Variants in KIRREL3 observed in about 807,000 individuals in gnomAD.
The protein encoded by KIRREL3 is kirre like nephrin family adhesion molecule 3.
In KIRREL3, 36 loss-of-function variants were observed where a neutral mutation model predicts 89.7. The observed-to-expected ratio is 0.40, with a 90% CI of 0.31 to 0.53. The LOEUF is 0.53. KIRREL3 is among the 20% of genes least tolerant of loss of function. The pLI is 0.49. For missense variants in KIRREL3, 864 were observed against 1,056.6 expected, an observed-to-expected ratio of 0.82 and a Z score of 2.53; for synonymous variants, 445 against 441.4, an observed-to-expected ratio of 1.01 and a Z score of -0.10.
chr11:126,846,754 C>T (rs1488539840), intron 1 of KIRREL3, among the ~76,000 whole-genome samples: 1 of 152,068 alleles, frequency 6.6e-6, no homozygotes, highest in Non-Finnish European at 1.5e-5. Flanking sequence ...TTATAAGAAG[C>T]TGTGAGAATA....
chr11:126,633,343 G>C (rs1305693075), intron 1 of KIRREL3, among the ~76,000 whole-genome samples: 3 of 152,050 alleles, frequency 2.0e-5, no homozygotes, highest in Admixed American at 6.6e-5. Flanking sequence ...CTCATTTTTA[G>C]AAGAAATAAA....
intron 6 of KIRREL3, among the ~76,000 whole-genome samples, chr11:126,457,302 T>G (rs2134237053): frequency 6.6e-6 from 1 of 151,816 alleles, no homozygotes; most frequent in African/African-American, 2.4e-5. Flanking sequence ...TGTATGCGTG[T>G]GTATGTCTCT....
chr11:126,746,154 A>C (rs539149161), intron 1 of KIRREL3, among the ~76,000 whole-genome samples: 1 of 152,120 alleles, frequency 6.6e-6, no homozygotes, highest in East Asian at 1.9e-4. Flanking sequence ...AATTTTGTCT[A>C]CATTCCTTAT....
chr11:126,896,980 TAAG>T lies in KIRREL3; in HGVS notation c.55+103472_55+103474del, dbSNP rs1187985389. ...AAGACTTTGCAGAATCAAAAGATTCTAAGAAGAGGCCAGGGAAAGAGCAGACCA... is the reference window on the plus strand; with the variant it reads ...AAGACTTTGCAGAATCAAAAGATTCTAAGAGGCCAGGGAAAGAGCAGACCA... On this transcript the variant is annotated intron_variant, in intron 1 of 16. Transcript: ENST00000525144. This position sits in a 1 kb window ranked among gnomAD's most constrained non-coding sequence, Gnocchi z 4.1. 6.6e-6 allele frequency among the ~76,000 whole-genome samples: 1 copy of T among 152,198 alleles called. No homozygotes were observed. Among genetic ancestry groups the T allele is most frequent in the Non-Finnish European group, 1.5e-5 (1 of 68,030 alleles).
intron 1 of KIRREL3, among the ~76,000 whole-genome samples, chr11:126,923,128 T>C (rs56141425): frequency 0.27 from 10,547 of 38,442 alleles, 2,244 homozygotes; most frequent in Middle Eastern, 0.62. Flanking sequence ...TTCTCCTTCT[T>C]CTCTTCTTCT....
At chr11:126,688,347 G>A (rs537634928) in intron 1 of KIRREL3, among the ~76,000 whole-genome samples, 2 of 152,324 alleles carry the variant, frequency 1.3e-5, no homozygotes, top group South Asian at 4.1e-4. Flanking sequence ...TGCCTCTGTG[G>A]ACATGTTTGG....
intron 1 of KIRREL3, among the ~76,000 whole-genome samples, chr11:126,787,726 T>C (rs1031311887): frequency 2.0e-5 from 3 of 152,330 alleles, no homozygotes; most frequent in African/African-American, 4.8e-5. Context: ...GAAGCACAAA[T>C]GCTCTCAGCT....
Position 126,677,799 on chromosome 11 carries a change from C to G in KIRREL3, c.56-114887G>C, listed in dbSNP as rs1946265120. On this transcript the variant is annotated intron_variant, in intron 1 of 16. Transcript: ENST00000525144. This position sits in a 1 kb window ranked among gnomAD's most constrained non-coding sequence, Gnocchi z 5.1. The stretch of plus-strand genomic sequence containing the variant: ...TGTCCACTGGTTGGAGTGAGCCTCC[C>G]CCTTTTACTGCATCTCCACGAGGCA... 6.6e-6 allele frequency among the ~76,000 whole-genome samples: 1 copy of G among 152,152 alleles called. No homozygotes were observed. Among genetic ancestry groups the G allele is most frequent in the Non-Finnish European group, 1.5e-5 (1 of 68,028 alleles).
rs1565621168 is a variant in KIRREL3 at position 126,651,922 on chromosome 11, T to A, written c.56-89010A>T. Among the ~76,000 whole-genome samples the A allele has an allele frequency of 6.6e-6, 1 of 152,130 alleles. No individual in the cohort carries two copies. The highest frequency in any genetic ancestry group is 6.6e-5 in the Admixed American group (1 of 15,262). On this transcript the variant is annotated intron_variant, in intron 1 of 16. Transcript: ENST00000525144. The surrounding 1 kb of genome is among the most constrained non-coding windows in gnomAD (Gnocchi z 4.6). ...AACAGGTCTAATCATGACACCTCCA[T>A]AAAGTCATGGGAAGTCCCTAATGAA...
chr11:126,497,223 AGTGTGTGTGAGACAGT>A (rs1565500265), intron 4 of KIRREL3, among the ~76,000 whole-genome samples: 2 of 146,700 alleles, frequency 1.4e-5, no homozygotes, highest in Non-Finnish European at 3.0e-5. Context: ...TGTGAGAGTG[AGTGTGTGTGAGACAGT>A]GTGAGTGTGT....
intron 16 of KIRREL3, 83 bp from the exon 17 acceptor site, chr11:126,425,106 C>T: frequency 7.7e-7 from 1 of 1,299,946 alleles, no homozygotes; most frequent in South Asian, 1.6e-5. Flanking sequence ...AGCCCGTCCC[C>T]TTATGCGGGG....
rs67640196 is a variant in KIRREL3 at position 126,768,170 on chromosome 11, A to AATCCATCC, written c.56-205266_56-205259dup. Among the ~76,000 whole-genome samples the AATCCATCC allele has an allele frequency of 3.6e-3, 286 of 79,994 alleles. 2 individuals are homozygous for AATCCATCC. The highest frequency in any genetic ancestry group is 6.5e-3 in the Middle Eastern group (1 of 154). The allele number at this position is 79,994 out of a possible 152,430, so 52.5% of individuals were successfully genotyped here. A position where few individuals can be genotyped will look rare whatever the true frequency, so the allele number is the denominator to read the frequency against. On this transcript the variant is annotated intron_variant, in intron 1 of 16. Coordinates refer to ENST00000525144, the MANE Select transcript of KIRREL3 (RefSeq NM_032531.4). This position sits in a 1 kb window ranked among gnomAD's most constrained non-coding sequence, Gnocchi z 4.5. ...CATCCATCCATCCATCCATCCATCC[A>AATCCATCC]ATCCATCCATCCATCCATCCATCCA...
intron 1 of KIRREL3, among the ~76,000 whole-genome samples, chr11:126,722,042 T>C (rs1386960309): frequency 1.3e-5 from 2 of 152,224 alleles, no homozygotes; most frequent in Non-Finnish European, 2.9e-5. Flanking sequence ...AGGCTCCCAA[T>C]GATATGTCAT....
Position 126,802,323 on chromosome 11 carries a change from T to A in KIRREL3, c.55+198132A>T, listed in dbSNP as rs1951061492. 1.3e-5 allele frequency among the ~76,000 whole-genome samples: 2 copies of A among 152,142 alleles called. No individual in the cohort carries two copies. The highest frequency in any genetic ancestry group is 4.1e-4 in the South Asian group (2 of 4,820). On this transcript the variant is annotated intron_variant, in intron 1 of 16. Coordinates refer to ENST00000525144, the MANE Select transcript of KIRREL3 (RefSeq NM_032531.4). This position sits in a 1 kb window ranked among gnomAD's most constrained non-coding sequence, Gnocchi z 5.2. Reference sequence around the variant, plus strand: ...ACAAAGGAAAAGCAGCCCAGGGAGATGGCGTTAGTGCCAGGCGGCCCGTGG... The same window carrying A: ...ACAAAGGAAAAGCAGCCCAGGGAGAAGGCGTTAGTGCCAGGCGGCCCGTGG...
Position 126,796,014 on chromosome 11 carries a change from T to C in KIRREL3, c.55+204441A>G, listed in dbSNP as rs1472296966. On this transcript the variant is annotated intron_variant, in intron 1 of 16. Coordinates refer to ENST00000525144, the MANE Select transcript of KIRREL3 (RefSeq NM_032531.4). The surrounding 1 kb of genome is among the most constrained non-coding windows in gnomAD (Gnocchi z 5.1). The stretch of plus-strand genomic sequence containing the variant: ...CTTATGTTGCCATTCATACAGCCAG[T>C]AATAAGCCACTCCACTGTCATGTCT... Among the ~76,000 whole-genome samples, 1 of 152,190 alleles carries C rather than the reference T, an allele frequency of 6.6e-6. No individual in the cohort carries two copies. Among genetic ancestry groups the C allele is most frequent in the Admixed American group, 6.5e-5 (1 of 15,276 alleles).
intron 1 of KIRREL3, among the ~76,000 whole-genome samples, chr11:126,824,326 G>C (rs1943331306): frequency 6.6e-6 from 1 of 152,224 alleles, no homozygotes; most frequent in Non-Finnish European, 1.5e-5. Context: ...GTGCCTACCT[G>C]TGCCAGGTGC....
chr11:126,500,434 T>C (rs1475648547), intron 4 of KIRREL3, among the ~76,000 whole-genome samples: 1 of 152,126 alleles, frequency 6.6e-6, no homozygotes, highest in East Asian at 1.9e-4. Context: ...CGACTCACAT[T>C]AATTTAGTTG....
chr11:126,482,373 C>T (rs1297063153), intron 4 of KIRREL3, among the ~76,000 whole-genome samples: 5 of 152,278 alleles, frequency 3.3e-5, no homozygotes, highest in Admixed American at 6.5e-5. Context: ...ACTTGAAGGT[C>T]GGGCAGCTTG....
intron 1 of KIRREL3, among the ~76,000 whole-genome samples, chr11:126,789,091 T>C (rs975996044): frequency 3.3e-5 from 5 of 152,316 alleles, no homozygotes; most frequent in African/African-American, 7.2e-5. Context: ...GTCTTCCCCA[T>C]ATGACCATGA....
Sources: gnomAD v4.1 joint callset for allele counts (sites outside exome capture counted in the v4.1 genomes callset) on GRCh38, gnomAD v4.1.1 for gene constraint, Gnocchi (gnomAD v3.1) non-coding constraint, MANE v1.5 for transcripts, NCBI Gene and HGNC (gene_info 2026-07-23, HGNC 2026-07-21) for gene names.